WNT7B: variants seen among roughly 807,000 people sequenced by gnomAD.
WNT7B encodes the protein Wnt family member 7B.
In WNT7B, 19 loss-of-function variants were observed where a neutral mutation model predicts 38.2. That is an observed-to-expected ratio of 0.50 (90% CI 0.35 to 0.73). The LOEUF (loss-of-function observed/expected upper bound fraction) is 0.73, where lower values mean the gene tolerates loss of function less well. Among genes scored for constraint, WNT7B ranks in the 30% least tolerant of loss-of-function variants. The pLI is 0.01. For synonymous variants in WNT7B, 243 were observed against 209.3 expected (o/e 1.16, Z -1.39); for missense variants, 423 against 507.9 (o/e 0.83, Z 1.61).
chr22:45,935,921 C>T (rs1454848404), intron 2 of WNT7B: 1 of 985,192 alleles, frequency 1.0e-6, no homozygotes, highest in Non-Finnish European at 1.2e-6. Context: ...GGGCCGGCAG[C>T]TGTCCTGCTG....
intron 3 of WNT7B, chr22:45,927,679 T>G (rs1478949166): frequency 4.2e-6 from 3 of 709,240 alleles, no homozygotes; most frequent in Admixed American, 2.0e-5. Context: ...GCAGATCACC[T>G]GAGGTTAGGG....
chr22:45,950,072 C>T lies in WNT7B; in HGVS notation c.146G>A (p.Arg49His), dbSNP rs1931895213. 2 of 1,613,944 alleles carry T rather than the reference C, an allele frequency of 1.2e-6. No homozygotes were observed. Among genetic ancestry groups the T allele is most frequent in the Admixed American group, 1.7e-5 (1 of 60,014 alleles). Residue 49 changes from arginine to histidine, a missense_variant, in exon 2 of 4, where the codon CGT becomes CAT. Physicochemically the swap from Arg to His is conservative, Grantham distance 29 (BLOSUM62 0). This residue lies in a region of WNT7B where 133 missense variants were observed against 179.8 expected (regional missense o/e 0.74). Coordinates refer to ENST00000339464, the MANE Select transcript of WNT7B (RefSeq NM_058238.3). ...NKIPGLAPRQ[R>H]AICQSRPDAI... Reference sequence around the variant, plus strand: ...ATCGGGCCGACTCTGGCAGATGGCACGCTGCCGCGGGGCTAGGCCAGGAAT... The same window carrying T: ...ATCGGGCCGACTCTGGCAGATGGCATGCTGCCGCGGGGCTAGGCCAGGAAT...
rs1932306294 is a variant in WNT7B at position 45,966,149 on chromosome 22, A to C, written c.71+10535T>G. ...TGGGCACTGTGCACACGTCAGTCCC[A>C]CTAGGGAGGGCCTTCTGGGGGAAAC... On this transcript the variant is annotated intron_variant, in intron 1 of 3. Coordinates refer to ENST00000339464, the MANE Select transcript of WNT7B (RefSeq NM_058238.3). The surrounding 1 kb of genome is among the most constrained non-coding windows in gnomAD (Gnocchi z 4.2). Among the ~76,000 whole-genome samples the C allele has an allele frequency of 2.0e-5, 3 of 152,172 alleles. No homozygotes were observed.
chr22:45,927,067 C>T (rs919950196), intron 3 of WNT7B: 1 of 985,468 alleles, frequency 1.0e-6, no homozygotes, highest in Non-Finnish European at 1.2e-6. Context: ...GCTGTCCGGA[C>T]AACAGCCCCC....
Position 45,977,108 on chromosome 22 carries a change from G to T in WNT7B, c.-354C>A. The T allele has an allele frequency of 1.3e-6, 1 of 785,044 alleles. No homozygotes were observed. Among genetic ancestry groups the T allele is most frequent in the Non-Finnish European group, 1.5e-6 (1 of 646,924 alleles). The allele number at this position is 785,044 out of a possible 1,614,324, so 48.6% of individuals were successfully genotyped here. A position where few individuals can be genotyped will look rare whatever the true frequency, so the allele number is the denominator to read the frequency against. On this transcript the variant is annotated 5_prime_UTR_variant, in exon 1 of 4. Coordinates refer to ENST00000339464, the MANE Select transcript of WNT7B (RefSeq NM_058238.3). ...AGCCGCCTGAGGCCGTGAGCGCCTC[G>T]CCGAGCGCCGCGGCGGCCAATGTGT...
intron 1 of WNT7B, chr22:45,972,116 G>GGGGCCCCCCCCCCCCCCCCCCCCCCCCC: frequency 1.9e-6 from 1 of 530,742 alleles, no homozygotes; most frequent in Non-Finnish European, 3.3e-6. Context: ...CCCGGGGGGA[G>GGGGCCCCCCCCCCCCCCCCCCCCCCCCC]CCCACCCGCC....
At chr22:45,935,355 A>ACTGCCTGCAGCCCAGCGTGGC (rs1256108671) in intron 2 of WNT7B, among the ~76,000 whole-genome samples, 11 of 152,084 alleles carry the variant, frequency 7.2e-5, no homozygotes, top group African/African-American at 1.9e-4. Context: ...CTCGCCCACC[A>ACTGCCTGCAGCCCAGCGTGGC]CTGCCTGCAG....
rs769026950 is a variant in WNT7B, at chr22:45,931,087, C to G, written c.570+11G>C. The G allele has an allele frequency of 9.0e-6, 14 of 1,563,288 alleles. No individual in the cohort carries two copies. The highest frequency in any genetic ancestry group is 1.2e-5 in the Non-Finnish European group (14 of 1,154,986). Reference sequence around the variant, plus strand: ...CAGCTACGGCCCCCACCAGCCGCACCCGCACCCTACCTTCCTGCCGGCCTC... The same window carrying G: ...CAGCTACGGCCCCCACCAGCCGCACGCGCACCCTACCTTCCTGCCGGCCTC... On this transcript the variant is annotated intron_variant, in intron 3 of 3. Coordinates refer to ENST00000339464, the MANE Select transcript of WNT7B (RefSeq NM_058238.3).
In WNT7B at chr22:45,922,359, A is replaced by G. The variant is rs1930952581; in HGVS notation, c.*497T>C. The G allele has an allele frequency of 6.3e-6, 1 of 158,794 alleles. No individual in the cohort carries two copies. The highest frequency in any genetic ancestry group is 1.4e-5 in the Non-Finnish European group (1 of 72,112). The allele number at this position is 158,794 out of a possible 1,614,324, so 9.8% of individuals were successfully genotyped here. ...AGAATCCTCTTCTGATACTAAGAAAACATAAATAATTTGTGTCAACATCTG... is the reference window on the plus strand; with the variant it reads ...AGAATCCTCTTCTGATACTAAGAAAGCATAAATAATTTGTGTCAACATCTG... On this transcript the variant is annotated 3_prime_UTR_variant, in exon 4 of 4. Transcript: ENST00000339464.
chr22:45,929,789 G>C (rs1011463347), intron 3 of WNT7B, among the ~76,000 whole-genome samples: 2 of 102,894 alleles, frequency 1.9e-5, no homozygotes, highest in Non-Finnish European at 4.3e-5. Context: ...TCCACCCACC[G>C]ATCCACTCAA....
rs576656136 is a variant in WNT7B at position 45,920,953 on chromosome 22, G to A, written c.*1903C>T. On this transcript the variant is annotated 3_prime_UTR_variant, in exon 4 of 4. Coordinates refer to ENST00000339464, the MANE Select transcript of WNT7B (RefSeq NM_058238.3). ...GGGGATGGGGCCAGGCTGAGGGTGG[G>A]GCATTCACGGTGGCCCGGAGACTCA... 6 of 152,386 alleles carry A rather than the reference G, an allele frequency of 3.9e-5. No individual in the cohort carries two copies. The South Asian group carries it at 1.2e-3, about 32-fold the overall frequency. 9.4% of individuals were successfully genotyped at this position (152,386 alleles called of 1,614,324 possible).
chr22:45,930,392 G>A (rs28730378), intron 3 of WNT7B, among the ~76,000 whole-genome samples: 16,056 of 152,220 alleles, frequency 0.11, 1,228 homozygotes, highest in East Asian at 0.39. Flanking sequence ...CCCAGGCCTC[G>A]GAGCCGGAGC....
At chr22:45,928,698 A>C (rs1421732095) in intron 3 of WNT7B, among the ~76,000 whole-genome samples, 2 of 152,064 alleles carry the variant, frequency 1.3e-5, no homozygotes, top group Non-Finnish European at 2.9e-5. Context: ...TCCCACACCA[A>C]GTCAGCCCTG....
intron 1 of WNT7B, among the ~76,000 whole-genome samples, chr22:45,964,354 C>G (rs9330808): frequency 0.46 from 69,469 of 152,026 alleles, 16,158 homozygotes; most frequent in East Asian, 0.59. Flanking sequence ...GGGTGACAAC[C>G]TTGCTGGAGC....
chr22:45,953,392 G>A (rs892442327), intron 1 of WNT7B, among the ~76,000 whole-genome samples: 4 of 152,218 alleles, frequency 2.6e-5, no homozygotes, highest in Admixed American at 6.5e-5. Context: ...CCCAGCAGAC[G>A]GTCGGCCCCT....
intron 2 of WNT7B, among the ~76,000 whole-genome samples, chr22:45,947,202 G>A (rs1931817250): frequency 6.6e-6 from 1 of 152,238 alleles, no homozygotes; most frequent in South Asian, 2.1e-4. Context: ...GAAGGGATGT[G>A]GGGAACCAGG....
chr22:45,925,118 G>A (rs1333501628), intron 3 of WNT7B: 1 of 969,660 alleles, frequency 1.0e-6, no homozygotes, highest in African/African-American at 1.8e-5. Context: ...GATGAGTGCT[G>A]GGTGGGCCCT....
At chr22:45,925,757 A>T in intron 3 of WNT7B, 1 of 985,260 alleles carries the variant, frequency 1.0e-6, no homozygotes, top group South Asian at 4.7e-5. Flanking sequence ...AGCTGCCCTG[A>T]TGGTGGCCCC....
intron 1 of WNT7B, among the ~76,000 whole-genome samples, chr22:45,960,325 C>G (rs1447074389): frequency 6.6e-6 from 1 of 152,218 alleles, no homozygotes. Context: ...CACCAGCCCC[C>G]TCTGGGAGTG....
Sources: gnomAD v4.1 joint callset for allele counts (sites outside exome capture counted in the v4.1 genomes callset) on GRCh38, gnomAD v4.1.1 for gene constraint, gnomAD v4.1.1 regional missense constraint, Gnocchi (gnomAD v3.1) non-coding constraint, MANE v1.5 for transcripts, NCBI Gene and HGNC (gene_info 2026-07-23, HGNC 2026-07-21) for gene names.